Variants in DCDC1 observed in about 807,000 individuals in gnomAD.
The protein encoded by DCDC1 is doublecortin domain containing 1.
A neutral mutation model predicts 178.3 loss-of-function variants in DCDC1; 200 were observed. That is an observed-to-expected ratio of 1.12 (90% CI 1.00 to 1.26). DCDC1 has a LOEUF of 1.26. Among genes scored for constraint, DCDC1 ranks in the 50% most tolerant of loss-of-function variants. The pLI is 0.00. For missense variants in DCDC1, 1,983 were observed against 1,749.2 expected (o/e 1.13, Z -2.38); for synonymous variants, 690 against 604.8 (o/e 1.14, Z -2.07).
chr11:30,958,151 C>A (rs1487789506), intron 20 of DCDC1, among the ~76,000 whole-genome samples: 1 of 152,126 alleles, frequency 6.6e-6, no homozygotes, highest in Non-Finnish European at 1.5e-5. Context: ...TACATTGACA[C>A]ATTATTAATG....
At chr11:31,252,447 A>T (rs572223729) in intron 8 of DCDC1, among the ~76,000 whole-genome samples, 6 of 152,304 alleles carry the variant, frequency 3.9e-5, no homozygotes, top group Non-Finnish European at 5.9e-5. Context: ...GGGGGCTTTC[A>T]TTGGCTGCAA....
At chr11:31,262,023 G>C (rs1944822268) in intron 8 of DCDC1, among the ~76,000 whole-genome samples, 1 of 151,768 alleles carries the variant, frequency 6.6e-6, no homozygotes, top group Non-Finnish European at 1.5e-5. Flanking sequence ...CCAGCACTTT[G>C]GGAGGCCAAG....
chr11:31,253,570 G>A (rs1389287728), intron 8 of DCDC1, among the ~76,000 whole-genome samples: 2 of 152,016 alleles, frequency 1.3e-5, no homozygotes, highest in Admixed American at 6.6e-5. Flanking sequence ...AAACAAAAGA[G>A]GTTATGAAAA....
chr11:31,095,025 T>A (rs541896586), intron 15 of DCDC1, among the ~76,000 whole-genome samples: 3 of 152,004 alleles, frequency 2.0e-5, no homozygotes, highest in South Asian at 4.1e-4. Context: ...CTCCCACTTA[T>A]GAGTGAGAAC....
intron 10 of DCDC1, among the ~76,000 whole-genome samples, chr11:31,128,704 C>A (rs1264717474): frequency 6.6e-6 from 1 of 152,078 alleles, no homozygotes; most frequent in Admixed American, 6.6e-5. Context: ...GTAATAAAAT[C>A]TTTGTCTATA....
intron 9 of DCDC1, among the ~76,000 whole-genome samples, chr11:31,221,162 C>T (rs1974218603): frequency 6.6e-6 from 1 of 152,084 alleles, no homozygotes; most frequent in African/African-American, 2.4e-5. Flanking sequence ...CTCTAATTGT[C>T]CCAAAAGTCT....
At chr11:30,887,439 CGT>C (rs1943276936) in intron 36 of DCDC1, among the ~76,000 whole-genome samples, 1 of 152,084 alleles carries the variant, frequency 6.6e-6, no homozygotes, top group East Asian at 1.9e-4. Context: ...AACAGATCAA[CGT>C]AATGTGTGCT....
chr11:31,271,146 G>A (rs1206752228), intron 7 of DCDC1, among the ~76,000 whole-genome samples: 1 of 152,032 alleles, frequency 6.6e-6, no homozygotes, highest in Non-Finnish European at 1.5e-5. Flanking sequence ...GATCTCCTAT[G>A]TCAGAGAGAA....
chr11:31,319,509 A>C (rs1949251737), intron 3 of DCDC1, among the ~76,000 whole-genome samples: 1 of 61,134 alleles, frequency 1.6e-5, no homozygotes, highest in Admixed American at 1.7e-4. Flanking sequence ...TTGGCTTGGT[A>C]GATCTTCCTC....
Position 31,239,362 on chromosome 11 carries a change from C to T in DCDC1, c.1221+2088G>A, listed in dbSNP as rs189910782. 1.8e-4 allele frequency among the ~76,000 whole-genome samples: 28 copies of T among 152,130 alleles called. No homozygotes were observed. In the East Asian group the frequency reaches 4.4e-3, roughly 24 times the overall value. ...CAAATAAAGATATTGTCAGGCTTAACACCTAAGCACTGATGGTCTGTTAAG... is the reference window on the plus strand; with the variant it reads ...CAAATAAAGATATTGTCAGGCTTAATACCTAAGCACTGATGGTCTGTTAAG... On this transcript the variant is annotated intron_variant, in intron 9 of 38. Coordinates refer to ENST00000684477, the MANE Select transcript of DCDC1 (RefSeq NM_001387274.1).
chr11:31,220,128 G>C (rs898290282), intron 9 of DCDC1, among the ~76,000 whole-genome samples: 1 of 152,118 alleles, frequency 6.6e-6, no homozygotes, highest in Non-Finnish European at 1.5e-5. Context: ...AAAATCACCA[G>C]TGAAGATAAT....
At chr11:30,889,842 T>C (rs1943618179) in intron 36 of DCDC1, among the ~76,000 whole-genome samples, 1 of 152,208 alleles carries the variant, frequency 6.6e-6, no homozygotes, top group Non-Finnish European at 1.5e-5. Flanking sequence ...GATAGTGTTA[T>C]GGACTAAACT....
chr11:31,074,600 G>T (rs1242304853), intron 18 of DCDC1, among the ~76,000 whole-genome samples: 1 of 152,092 alleles, frequency 6.6e-6, no homozygotes, highest in East Asian at 1.9e-4. Context: ...TGGCATTTTG[G>T]TCTTAGACTC....
chr11:31,176,316 A>G (rs1968011344), intron 9 of DCDC1, among the ~76,000 whole-genome samples: 1 of 152,210 alleles, frequency 6.6e-6, no homozygotes, highest in Non-Finnish European at 1.5e-5. Context: ...TAATTTCTGA[A>G]CTTGAAGACA....
intron 20 of DCDC1, among the ~76,000 whole-genome samples, chr11:31,013,312 T>G (rs1276405090): frequency 6.6e-6 from 1 of 152,214 alleles, no homozygotes; most frequent in Non-Finnish European, 1.5e-5. Flanking sequence ...AAAGACATTA[T>G]AAGTGGAGAT....
chr11:31,178,182 T>TA (rs781183807), intron 9 of DCDC1, among the ~76,000 whole-genome samples: 1 of 152,162 alleles, frequency 6.6e-6, no homozygotes, highest in Non-Finnish European at 1.5e-5. Flanking sequence ...GGTCCTGGCA[T>TA]AAAAACAGAC....
intron 9 of DCDC1, among the ~76,000 whole-genome samples, chr11:31,141,315 T>A (rs1963799496): frequency 6.6e-6 from 1 of 152,326 alleles, no homozygotes; most frequent in South Asian, 2.1e-4. Flanking sequence ...TAGTGTGTTG[T>A]GTCTACCTAA....
intron 18 of DCDC1, among the ~76,000 whole-genome samples, chr11:31,073,873 T>C (rs998458012): frequency 6.6e-6 from 1 of 152,172 alleles, no homozygotes; most frequent in Non-Finnish European, 1.5e-5. Flanking sequence ...GGGAAGGAAA[T>C]GTTATTATAA....
Position 30,983,951 on chromosome 11 carries a change from T to C in DCDC1, c.2592-31383A>G, listed in dbSNP as rs549523754. Among the ~76,000 whole-genome samples the C allele has an allele frequency of 7.9e-5, 12 of 152,266 alleles. No homozygotes were observed. The East Asian group carries it at 2.1e-3, about 27-fold the overall frequency. On this transcript the variant is annotated intron_variant, in intron 20 of 38. Coordinates refer to ENST00000684477, the MANE Select transcript of DCDC1 (RefSeq NM_001387274.1). ...CAGCTAAGCTAAGGGAATTTCAACA[T>C]AAACAATGCTCTTATTCCCAAGACT... is the stretch of plus-strand genomic sequence containing the variant.
Sources: gnomAD v4.1 joint callset for allele counts (sites outside exome capture counted in the v4.1 genomes callset) on GRCh38, gnomAD v4.1.1 for gene constraint, MANE v1.5 for transcripts, NCBI Gene and HGNC (gene_info 2026-07-23, HGNC 2026-07-21) for gene names.